The following OPCML variants were observed in gnomAD, a reference collection of about 807,000 sequenced individuals.
The protein encoded by OPCML is opioid-binding protein/cell adhesion molecule.
In OPCML, 13 loss-of-function variants were observed where a neutral mutation model predicts 37.8. The observed-to-expected ratio is 0.34, with a 90% confidence interval of 0.22 to 0.55. OPCML has a LOEUF of 0.55. Among genes scored for constraint, OPCML ranks in the 20% least tolerant of loss-of-function variants. The probability of loss-of-function intolerance (pLI) is 0.91; values close to 1 mark genes in which losing one functional copy is unlikely to be tolerated. For synonymous variants in OPCML, 176 were observed against 168.8 expected (o/e 1.04, Z -0.33); for missense variants, 341 against 435.6 (o/e 0.78, Z 1.93).
intron 3 of OPCML, among the ~76,000 whole-genome samples, chr11:132,575,021 T>C (rs1565677715): frequency 6.6e-6 from 1 of 152,032 alleles, no homozygotes; most frequent in Non-Finnish European, 1.5e-5. Context: ...CTTGGTCTCT[T>C]TTGGCAGTTT....
chr11:132,846,800 C>T (rs775621504), intron 2 of OPCML, among the ~76,000 whole-genome samples: 1 of 152,280 alleles, frequency 6.6e-6, no homozygotes. Context: ...ACAGGGAACT[C>T]CCTACCTTCC....
intron 1 of OPCML, among the ~76,000 whole-genome samples, chr11:132,973,342 G>A (rs962877747): frequency 5.3e-5 from 8 of 152,002 alleles, no homozygotes; most frequent in Non-Finnish European, 7.4e-5. Context: ...TCCCTCTTTC[G>A]TCAGCTTGCT....
At chr11:132,620,888 G>C (rs1939361977) in intron 3 of OPCML, among the ~76,000 whole-genome samples, 1 of 152,198 alleles carries the variant, frequency 6.6e-6, no homozygotes, top group Non-Finnish European at 1.5e-5. Context: ...ATCTGAGGTT[G>C]GGTGCAGCAG....
At chr11:133,460,462 G>A (rs929371380) in intron 1 of OPCML, among the ~76,000 whole-genome samples, 1 of 151,770 alleles carries the variant, frequency 6.6e-6, no homozygotes, top group African/African-American at 2.4e-5. Context: ...CAAACTTTTA[G>A]CTAGGTTGAC....
At chr11:133,270,483 G>A (rs977481050) in intron 1 of OPCML, among the ~76,000 whole-genome samples, 1 of 152,010 alleles carries the variant, frequency 6.6e-6, no homozygotes, top group Non-Finnish European at 1.5e-5. Flanking sequence ...GACATATAAG[G>A]GATTGTTTTA....
intron 1 of OPCML, among the ~76,000 whole-genome samples, chr11:133,510,225 G>T (rs1385213909): frequency 1.3e-5 from 2 of 152,186 alleles, no homozygotes; most frequent in Non-Finnish European, 2.9e-5. Flanking sequence ...GCCATCACAG[G>T]CTGAGAAGAG....
At chr11:133,058,574 A>G (rs1948282828) in intron 1 of OPCML, among the ~76,000 whole-genome samples, 1 of 152,162 alleles carries the variant, frequency 6.6e-6, no homozygotes, top group African/African-American at 2.4e-5. Context: ...TAGAGCCTAG[A>G]GTATCAGAAA....
chr11:132,868,449 T>A (rs1942660487), intron 2 of OPCML, among the ~76,000 whole-genome samples: 1 of 152,140 alleles, frequency 6.6e-6, no homozygotes, highest in African/African-American at 2.4e-5. Flanking sequence ...CCACGTTGTT[T>A]TTAGACAAGT....
rs943568965 is a variant in OPCML, at chr11:132,527,368, T to C, written c.505+1693A>G. On this transcript the variant is annotated intron_variant, in intron 4 of 7. Transcript: ENST00000524381. ...GCAGAGTTAATATATAAAGCTTCAG[T>C]TGATCCACATCCTCACCAACACTCG... Among the ~76,000 whole-genome samples, 4 of 152,210 alleles carry C rather than the reference T, an allele frequency of 2.6e-5. No homozygotes were observed. The South Asian group carries it at 8.3e-4, about 31-fold the overall frequency.
chr11:132,682,449 T>C (rs1230975280), intron 2 of OPCML, among the ~76,000 whole-genome samples: 1 of 152,226 alleles, frequency 6.6e-6, no homozygotes, highest in African/African-American at 2.4e-5. Flanking sequence ...ACTGTTAAGA[T>C]GCTAAAAGGG....
rs971114928 is a variant in OPCML, at chr11:133,003,356, C to G, written c.62-60346G>C. On this transcript the variant is annotated intron_variant, in intron 1 of 7. Coordinates refer to ENST00000524381, the MANE Select transcript of OPCML (RefSeq NM_001012393.5). ...AGAGCTCCTGCTGGCTGCCCCACCC[C>G]CTTCACTTGTGGCCACATCTCTCCA... 5.9e-5 allele frequency among the ~76,000 whole-genome samples: 9 copies of G among 152,290 alleles called. No individual in the cohort carries two copies. In the South Asian group the frequency reaches 6.2e-4, roughly 11 times the overall value.
At chr11:133,168,734 G>C (rs922481620) in intron 1 of OPCML, among the ~76,000 whole-genome samples, 9 of 152,174 alleles carry the variant, frequency 5.9e-5, no homozygotes, top group Non-Finnish European at 8.8e-5. Context: ...CTCATACCCA[G>C]CATGCCCTAA....
intron 1 of OPCML, among the ~76,000 whole-genome samples, chr11:133,045,626 G>A (rs1947995162): frequency 6.6e-6 from 1 of 152,232 alleles, no homozygotes; most frequent in South Asian, 2.1e-4. Flanking sequence ...TGCCCTGTGA[G>A]CTGGTCTCTG....
intron 1 of OPCML, among the ~76,000 whole-genome samples, chr11:132,963,506 C>T (rs1279092710): frequency 6.6e-6 from 1 of 151,474 alleles, no homozygotes; most frequent in East Asian, 2.0e-4. Flanking sequence ...GCAGGAGAAT[C>T]GCTTGAACCC....
At chr11:133,401,187 G>A (rs540618630) in intron 1 of OPCML, among the ~76,000 whole-genome samples, 51 of 152,228 alleles carry the variant, frequency 3.4e-4, no homozygotes, top group African/African-American at 9.9e-4. Flanking sequence ...TAAGACAGAC[G>A]TAGTGTGAGA....
At chr11:132,449,669 C>T (rs1287233894) in intron 4 of OPCML, among the ~76,000 whole-genome samples, 1 of 152,152 alleles carries the variant, frequency 6.6e-6, no homozygotes, top group Non-Finnish European at 1.5e-5. Context: ...TACGGCAGCT[C>T]AGCACCAACA....
At chr11:133,450,623 G>C (rs1050440335) in intron 1 of OPCML, among the ~76,000 whole-genome samples, 1 of 151,704 alleles carries the variant, frequency 6.6e-6, no homozygotes, top group African/African-American at 2.4e-5. Flanking sequence ...GAGAGAAAGA[G>C]ATGCTCTGCT....
chr11:132,875,975 G>A (rs1942994981), intron 2 of OPCML, among the ~76,000 whole-genome samples: 1 of 152,212 alleles, frequency 6.6e-6, no homozygotes, highest in Non-Finnish European at 1.5e-5. Context: ...TAAGAAGGCA[G>A]ATGGGATCTA....
At chr11:133,422,780 T>A (rs1945919520) in intron 1 of OPCML, 1 of 900,880 alleles carries the variant, frequency 1.1e-6, no homozygotes, top group Non-Finnish European at 1.3e-6. Flanking sequence ...GTATTTATGA[T>A]TTTTATATTA....
Sources: gnomAD v4.1 joint callset for allele counts (sites outside exome capture counted in the v4.1 genomes callset) on GRCh38, gnomAD v4.1.1 for gene constraint, MANE v1.5 for transcripts, NCBI Gene and HGNC (gene_info 2026-07-23, HGNC 2026-07-21) for gene names.